The following PGM3 variants were observed in gnomAD, a reference collection of about 807,000 sequenced individuals.
The protein encoded by PGM3 is phosphoglucomutase 3.
Under a neutral mutation model 66.2 loss-of-function variants are expected in PGM3, and 40 were observed. The observed-to-expected ratio is 0.60, with a 90% CI of 0.47 to 0.79. The LOEUF is 0.79. Among genes scored for constraint, PGM3 ranks in the 30% least tolerant of loss-of-function variants. PGM3 has a pLI of 0.00. For synonymous variants in PGM3, 191 were observed against 224.2 expected (o/e 0.85, Z 1.32); for missense variants, 537 against 643.4 (o/e 0.83, Z 1.79).
intron 2 of PGM3, 76 bp from the exon 3 acceptor site, chr6:83,188,874 T>G: frequency 8.0e-7 from 1 of 1,257,842 alleles, no homozygotes; most frequent in East Asian, 2.4e-5. Flanking sequence ...CAAAAGCTGT[T>G]TCCCTTCAAC....
chr6:83,154,362 G>A, the PGM3 span: 1 of 859,022 alleles, frequency 1.2e-6, no homozygotes, highest in East Asian at 2.5e-5. Flanking sequence ...AAGTGTCAGT[G>A]GGGATATGTG....
downstream of PGM3, chr6:83,164,783 C>G: frequency 7.3e-7 from 1 of 1,378,234 alleles, no homozygotes; most frequent in Admixed American, 2.1e-5. Context: ...GAGACACAAA[C>G]CCAGGTCTGA....
chr6:83,148,974 A>C, the PGM3 span: 4 of 614,864 alleles, frequency 6.5e-6, no homozygotes, highest in Non-Finnish European at 1.0e-5. Flanking sequence ...CTACCTTCTC[A>C]TAGTGTTCTT....
At chr6:83,160,149 T>C (rs1783894500), downstream of PGM3, among the ~76,000 whole-genome samples, 1 of 152,230 alleles carries the variant, frequency 6.6e-6, no homozygotes, top group Non-Finnish European at 1.5e-5. Flanking sequence ...TAACAGACTA[T>C]TCAGTCAACA....
intron 12 of PGM3, chr6:83,169,747 AGC>A (rs1324081849): frequency 4.4e-6 from 2 of 458,254 alleles, no homozygotes; most frequent in Non-Finnish European, 8.8e-6. Context: ...TTCCCTATTC[AGC>A]GCACTCACTG....
At chr6:83,164,439 A>T (rs569174594), downstream of PGM3, among the ~76,000 whole-genome samples, 3 of 151,956 alleles carry the variant, frequency 2.0e-5, no homozygotes, top group Non-Finnish European at 4.4e-5. Flanking sequence ...CTTTTCTGTT[A>T]TGCCTGCCTT....
chr6:83,173,632 T>G (rs1787486081), intron 10 of PGM3, among the ~76,000 whole-genome samples: 1 of 152,196 alleles, frequency 6.6e-6, no homozygotes, highest in Admixed American at 6.5e-5. Context: ...GACACTCAAA[T>G]AATTGAATCG....
intron 6 of PGM3, among the ~76,000 whole-genome samples, chr6:83,180,335 G>A (rs1395544496): frequency 6.6e-6 from 1 of 152,156 alleles, no homozygotes; most frequent in Non-Finnish European, 1.5e-5. Flanking sequence ...ATCAGCACTA[G>A]ATGATGTATG....
Position 83,181,942 on chromosome 6 carries a change from A to G in PGM3, c.592-11T>C. 2 of 1,558,604 alleles carry G rather than the reference A, an allele frequency of 1.3e-6. No homozygotes were observed. The highest frequency in any genetic ancestry group is 1.7e-4 in the Middle Eastern group (1 of 5,796). On this transcript the variant is annotated splice_polypyrimidine_tract_variant and intron_variant, in intron 5 of 12. Coordinates refer to ENST00000513973, the MANE Select transcript of PGM3 (RefSeq NM_015599.3). ...TCCACTGCAAGAAGCCTACAAAGGA[A>G]AAAGACACATGGAAGAAAAATTTCA...
chr6:83,172,820 G>A (rs1787370189), intron 10 of PGM3, among the ~76,000 whole-genome samples: 1 of 152,120 alleles, frequency 6.6e-6, no homozygotes, highest in Non-Finnish European at 1.5e-5. Flanking sequence ...TAAAATACTT[G>A]TGTGTGAATA....
intron 8 of PGM3, among the ~76,000 whole-genome samples, chr6:83,177,818 G>T (rs959796520): frequency 1.3e-5 from 2 of 152,068 alleles, no homozygotes; most frequent in African/African-American, 4.8e-5. Context: ...GGTAATATGT[G>T]ACCGCCCTGG....
Position 83,188,657 on chromosome 6 carries a change from T to G in PGM3, c.346A>C (p.Asn116His). The G allele has an allele frequency of 6.2e-7, 1 of 1,614,118 alleles. No homozygotes were observed. Among genetic ancestry groups the G allele is most frequent in the Non-Finnish European group, 8.5e-7 (1 of 1,179,964 alleles). Residue 116 changes from asparagine (N) to histidine (H), a missense_variant, in exon 3 of 13, where the codon AAT becomes CAT. Coordinates refer to ENST00000513973, the MANE Select transcript of PGM3 (RefSeq NM_015599.3). ...LIDISEKEAV[N>H]LQQDAFVVIG... ...ACTACAAAGGCATCTTGTTGCAGAT[T>G]CACAGCTTCTTTCTCGCTGATGTCA... is the stretch of plus-strand genomic sequence containing the variant.
chr6:83,190,743 T>A, intron 2 of PGM3, 66 bp downstream of exon 2: 1 of 1,229,248 alleles, frequency 8.1e-7, no homozygotes, highest in East Asian at 2.3e-5. Context: ...TAGGTCAATT[T>A]GCTCAGACAC....
intron 5 of PGM3, 31 bp from the exon 6 acceptor site, chr6:83,181,962 A>C: frequency 6.9e-7 from 1 of 1,442,152 alleles, no homozygotes; most frequent in Non-Finnish European, 9.4e-7. Context: ...TGGAAGAAAA[A>C]TTTCAAGTTA....
At position 83,181,318 on chromosome 6, in the gene PGM3, G is replaced by A. The variant is rs181366103; in HGVS notation, c.787+418C>T. Among the ~76,000 whole-genome samples the A allele has an allele frequency of 2.6e-5, 4 of 152,186 alleles. 1 individual carries two copies. Among genetic ancestry groups the A allele is most frequent in the South Asian group, 4.2e-4 (2 of 4,816 alleles). On this transcript the variant is annotated intron_variant, in intron 6 of 12. Coordinates refer to ENST00000513973, the MANE Select transcript of PGM3 (RefSeq NM_015599.3). ...TGTGATTCTCAAAAAGGGATCCCCA[G>A]ACAAGCACTGGGAACAAAGCCTGCA...
chr6:83,182,779 T>C (rs1788277360), intron 5 of PGM3, 66 bp downstream of exon 5: 13 of 1,403,392 alleles, frequency 9.3e-6, no homozygotes, highest in Non-Finnish European at 1.3e-5. Context: ...ACAAGATAAT[T>C]TGTTCAGTAG....
chr6:83,191,101 G>T, intron 1 of PGM3, 87 bp from the exon 2 acceptor site: 1 of 1,461,364 alleles, frequency 6.8e-7, no homozygotes, highest in Non-Finnish European at 9.4e-7. Flanking sequence ...CAAACGAATA[G>T]GTCTGTCTCA....
intron 4 of PGM3, 102 bp from the exon 5 acceptor site, chr6:83,183,080 G>T: frequency 9.5e-7 from 1 of 1,048,840 alleles, no homozygotes; most frequent in Non-Finnish European, 1.4e-6. Flanking sequence ...AAATCCTTTT[G>T]TGTCATCTCA....
At chr6:83,191,215 C>T in intron 1 of PGM3, 1 of 1,535,190 alleles carries the variant, frequency 6.5e-7, no homozygotes, top group East Asian at 2.4e-5. Flanking sequence ...CTTGGTATGT[C>T]CACTCCTGGG....
Sources: gnomAD v4.1 joint callset for allele counts (sites outside exome capture counted in the v4.1 genomes callset) on GRCh38, gnomAD v4.1.1 for gene constraint, MANE v1.5 for transcripts, NCBI Gene and HGNC (gene_info 2026-07-23, HGNC 2026-07-21) for gene names.